The following PCDHGA2 variants were observed in gnomAD, a reference collection of about 807,000 sequenced individuals.
PCDHGA2 encodes protocadherin gamma-A2.
PCDHGA2 carries 40 observed loss-of-function variants against 59.2 expected under a neutral mutation model. The ratio of observed to expected loss-of-function variants is 0.68; its 90% CI spans 0.52 to 0.88. PCDHGA2 has a LOEUF of 0.88. Among genes scored for constraint, PCDHGA2 ranks in the 40% least tolerant of loss-of-function variants. PCDHGA2 has a pLI of 0.00. For synonymous variants in PCDHGA2, 560 were observed against 526.0 expected, an observed-to-expected ratio of 1.06 and a Z score of -0.89; for missense variants, 1,226 against 1,204.0, an observed-to-expected ratio of 1.02 and a Z score of -0.27.
Position 141,410,699 on chromosome 5 carries a change from A to C in PCDHGA2, c.2424+69304A>C, listed in dbSNP as rs760193148. On this transcript the variant is annotated intron_variant, in intron 1 of 3. Transcript: ENST00000394576. ...ATTTTAGGCATACTACTTTATTTTC[A>C]TATCTAGAATCATATGTTTAAAATC... The C allele has an allele frequency of 2.0e-6, 3 of 1,478,344 alleles. No homozygotes were observed. In the South Asian group the frequency reaches 4.0e-5, roughly 20 times the overall value. The allele number at this position is 1,478,344 out of a possible 1,614,324, so 91.6% of individuals were successfully genotyped here. A position where few individuals can be genotyped will look rare whatever the true frequency, so the allele number is the denominator to read the frequency against.
chr5:141,382,530 G>A (rs1043069134), intron 1 of PCDHGA2, among the ~76,000 whole-genome samples: 2 of 152,150 alleles, frequency 1.3e-5, no homozygotes, highest in Non-Finnish European at 2.9e-5. Context: ...GTCTTAAAAT[G>A]GATTTTTAAT....
intron 1 of PCDHGA2, chr5:141,423,755 G>GGT (rs1554116817): frequency 5.9e-6 from 3 of 512,508 alleles, no homozygotes; most frequent in Non-Finnish European, 7.8e-6. Context: ...CTGTTTGGGG[G>GGT]GGGGGTGGGG....
In PCDHGA2 at chr5:141,477,125, A is replaced by G; in HGVS notation, c.2425-17682A>G. The G allele has an allele frequency of 2.5e-6, 4 of 1,614,212 alleles. No individual in the cohort carries two copies. The highest frequency in any genetic ancestry group is 3.4e-6 in the Non-Finnish European group (4 of 1,180,036). On this transcript the variant is annotated intron_variant, in intron 1 of 3. Transcript: ENST00000394576. This position sits in a 1 kb window ranked among gnomAD's most constrained non-coding sequence, Gnocchi z 4.9. ...CGCCAATCCCGAAGGAGCACATTGC[A>G]AAGTGTTGGTGGAGGTTGTGGATGT...
At chr5:141,397,543 G>A (rs547149193) in intron 1 of PCDHGA2, among the ~76,000 whole-genome samples, 17 of 152,282 alleles carry the variant, frequency 1.1e-4, no homozygotes, top group African/African-American at 3.8e-4. Flanking sequence ...TTTGAAATCA[G>A]TATAGTATGA....
chr5:141,348,105 C>T (rs1302310660), intron 1 of PCDHGA2, among the ~76,000 whole-genome samples: 1 of 152,210 alleles, frequency 6.6e-6, no homozygotes, highest in East Asian at 1.9e-4. Flanking sequence ...GCTTATTCTG[C>T]AATTTATGAA....
At chr5:141,361,618 G>A in intron 1 of PCDHGA2, 1 of 1,613,956 alleles carries the variant, frequency 6.2e-7, no homozygotes, top group Non-Finnish European at 8.5e-7. Context: ...CGTAGCGAGC[G>A]ACCTGAAGCC....
intron 1 of PCDHGA2, among the ~76,000 whole-genome samples, chr5:141,373,077 A>C (rs1216533246): frequency 6.6e-6 from 1 of 152,210 alleles, no homozygotes; most frequent in Non-Finnish European, 1.5e-5. Flanking sequence ...TTAATACAGT[A>C]TTATCTCACA....
Position 141,493,508 on chromosome 5 carries a change from C to T in PCDHGA2, c.2425-1299C>T, listed in dbSNP as rs2099748607. 1.3e-5 allele frequency among the ~76,000 whole-genome samples: 2 copies of T among 152,284 alleles called. No homozygotes were observed. The highest frequency in any genetic ancestry group is 4.1e-4 in the South Asian group (2 of 4,820). On this transcript the variant is annotated intron_variant, in intron 1 of 3. Transcript: ENST00000394576. The surrounding 1 kb of genome is among the most constrained non-coding windows in gnomAD (Gnocchi z 4.3). Reference sequence around the variant, plus strand: ...TCTTCTGTGGCTCCTCATTTCTGAGCAGTCCCCGCAGCGCAAACTTGGCCA... The same window carrying T: ...TCTTCTGTGGCTCCTCATTTCTGAGTAGTCCCCGCAGCGCAAACTTGGCCA...
At chr5:141,345,386 C>G (rs1329781045) in intron 1 of PCDHGA2, 1 of 1,614,122 alleles carries the variant, frequency 6.2e-7, no homozygotes, top group Non-Finnish European at 8.5e-7. Context: ...ACCCACCCAC[C>G]TTCCCTCATT....
intron 1 of PCDHGA2, chr5:141,376,964 G>C (rs1365805251): frequency 6.2e-6 from 1 of 160,316 alleles, no homozygotes; most frequent in Non-Finnish European, 1.4e-5. Flanking sequence ...TGGGATTACA[G>C]GCGTGAGCCA....
chr5:141,455,377 CAGAA>C (rs2098820699), intron 1 of PCDHGA2, among the ~76,000 whole-genome samples: 1 of 151,970 alleles, frequency 6.6e-6, no homozygotes, highest in Admixed American at 6.6e-5. Flanking sequence ...AGGGAGAAGA[CAGAA>C]GGAAGGAGCT....
chr5:141,409,022 A>G (rs1258261622), intron 1 of PCDHGA2: 1 of 1,614,046 alleles, frequency 6.2e-7, no homozygotes, highest in Non-Finnish European at 8.5e-7. Flanking sequence ...TGAGGGGGTC[A>G]ATGCTGAGAT....
At chr5:141,435,004 A>G (rs1481428383) in intron 1 of PCDHGA2, among the ~76,000 whole-genome samples, 1 of 152,096 alleles carries the variant, frequency 6.6e-6, no homozygotes, top group Non-Finnish European at 1.5e-5. Flanking sequence ...AGCTGAATTT[A>G]TCAATGATAA....
intron 1 of PCDHGA2, chr5:141,352,534 G>A (rs1561503598): frequency 1.2e-6 from 2 of 1,613,978 alleles, no homozygotes; most frequent in Non-Finnish European, 1.7e-6. Flanking sequence ...ATTCTGCAAA[G>A]ACAGAGTTTA....
intron 1 of PCDHGA2, chr5:141,433,288 G>A (rs2097582001): frequency 5.3e-6 from 6 of 1,136,424 alleles, no homozygotes; most frequent in Non-Finnish European, 7.5e-6. Flanking sequence ...CAAACTCCTA[G>A]GCTCAAGCAA....
chr5:141,362,679 C>A, intron 1 of PCDHGA2: 1 of 1,209,570 alleles, frequency 8.3e-7, no homozygotes. Context: ...CCTTAATTGT[C>A]TTAATCTTAT....
chr5:141,413,013 C>A, intron 1 of PCDHGA2: 2 of 661,008 alleles, frequency 3.0e-6, no homozygotes, highest in Admixed American at 6.8e-5. Context: ...GCTTCAACTA[C>A]ACAAGCCCCA....
chr5:141,507,553 C>T (rs1382652977), intron 3 of PCDHGA2, among the ~76,000 whole-genome samples: 4 of 152,192 alleles, frequency 2.6e-5, no homozygotes, highest in Admixed American at 2.0e-4. Flanking sequence ...ATGAAAGTGG[C>T]AGGCGGCTGG....
chr5:141,451,908 G>C (rs899191624), intron 1 of PCDHGA2, among the ~76,000 whole-genome samples: 1 of 152,046 alleles, frequency 6.6e-6, no homozygotes, highest in Non-Finnish European at 1.5e-5. Flanking sequence ...AAGGGAGGGA[G>C]GGAGGAAGGA....
Sources: allele counts gnomAD v4.1 joint callset (sites outside exome capture counted in the v4.1 genomes callset), GRCh38; gene constraint gnomAD v4.1.1; non-coding constraint Gnocchi (gnomAD v3.1); transcripts MANE v1.5; gene names NCBI Gene and HGNC (gene_info 2026-07-23, HGNC 2026-07-21).